The following EYS variants were observed in gnomAD, a reference collection of about 807,000 sequenced individuals.
EYS encodes the protein protein eyes shut homolog.
In EYS, 250 loss-of-function variants were observed where a neutral mutation model predicts 282.1. The observed-to-expected ratio is 0.89, with a 90% CI of 0.80 to 0.98. The LOEUF is 0.98. Among genes scored for constraint, EYS ranks in the 50% least tolerant of loss-of-function variants. EYS has a pLI of 0.00. For missense variants in EYS, 4,016 were observed against 3,709.0 expected (o/e 1.08, Z -2.15); for synonymous variants, 1,355 against 1,282.9 (o/e 1.06, Z -1.20).
chr6:64,349,255 ATTGT>A (rs1341153233), intron 29 of EYS, among the ~76,000 whole-genome samples: 3 of 151,314 alleles, frequency 2.0e-5, no homozygotes, highest in Admixed American at 6.6e-5. Flanking sequence ...TGCTATCCGT[ATTGT>A]TTAATTACAT....
intron 28 of EYS, among the ~76,000 whole-genome samples, chr6:64,398,606 T>C (rs1773454077): frequency 6.6e-6 from 1 of 151,806 alleles, no homozygotes; most frequent in South Asian, 2.1e-4. Context: ...TTTATCCAGG[T>C]TTATAATACA....
intron 33 of EYS, among the ~76,000 whole-genome samples, chr6:64,051,554 A>C (rs1452314266): frequency 6.6e-6 from 1 of 152,142 alleles, no homozygotes; most frequent in Non-Finnish European, 1.5e-5. Context: ...GTGATTTTAG[A>C]TAAATCCCAT....
intron 1 of EYS, among the ~76,000 whole-genome samples, chr6:65,645,505 T>C (rs955848432): frequency 6.6e-6 from 1 of 152,084 alleles, no homozygotes; most frequent in Non-Finnish European, 1.5e-5. Flanking sequence ...ACAACCTATC[T>C]AACCCTCTGG....
chr6:63,753,707 G>A (rs945789873), intron 41 of EYS, among the ~76,000 whole-genome samples: 6 of 152,108 alleles, frequency 3.9e-5, no homozygotes, highest in Non-Finnish European at 2.9e-5. Flanking sequence ...TTGATACATG[G>A]GAGTTACAAT....
chr6:65,222,692 T>C (rs533850415), intron 12 of EYS, among the ~76,000 whole-genome samples: 2 of 152,322 alleles, frequency 1.3e-5, no homozygotes, highest in South Asian at 2.1e-4. Flanking sequence ...AGGAATATGA[T>C]ATGCATAATT....
At chr6:65,217,181 T>A (rs1339858684) in intron 12 of EYS, among the ~76,000 whole-genome samples, 1 of 152,068 alleles carries the variant, frequency 6.6e-6, no homozygotes, top group East Asian at 1.9e-4. Flanking sequence ...TCTTGAGAAG[T>A]AAATGAATCT....
At chr6:65,433,335 A>G (rs770580701) in intron 5 of EYS, among the ~76,000 whole-genome samples, 6 of 152,162 alleles carry the variant, frequency 3.9e-5, no homozygotes, top group Non-Finnish European at 7.4e-5. Flanking sequence ...TTCATCTGCA[A>G]TTGGAGGCAT....
chr6:65,229,936 CACAT>C (rs1766725364), intron 12 of EYS, among the ~76,000 whole-genome samples: 1 of 151,790 alleles, frequency 6.6e-6, no homozygotes, highest in African/African-American at 2.4e-5. Flanking sequence ...AGATCTATGA[CACAT>C]ACATAAATAA....
intron 24 of EYS, among the ~76,000 whole-genome samples, chr6:64,613,229 T>C (rs978901880): frequency 5.9e-5 from 9 of 152,120 alleles, no homozygotes; most frequent in Non-Finnish European, 1.3e-4. Context: ...TAAAGCCTTC[T>C]AGTAACTCTG....
At chr6:65,659,630 G>C (rs1767937338) in intron 1 of EYS, among the ~76,000 whole-genome samples, 1 of 151,596 alleles carries the variant, frequency 6.6e-6, no homozygotes, top group South Asian at 2.1e-4. Flanking sequence ...TGACTTATAG[G>C]AGATAATAAA....
rs1259688242 is a variant in EYS at position 64,766,651 on chromosome 6, T to TATATATAC, written c.3443+46726_3443+46727insGTATATAT. 6.3e-3 allele frequency among the ~76,000 whole-genome samples: 219 copies of TATATATAC among 34,626 alleles called. 31 individuals are homozygous for TATATATAC. Among genetic ancestry groups the TATATATAC allele is most frequent in the Non-Finnish European group, 0.01 (198 of 19,422 alleles). The allele number at this position is 34,626 out of a possible 152,430, so 22.7% of individuals were successfully genotyped here. On this transcript the variant is annotated intron_variant, in intron 22 of 42. Coordinates refer to ENST00000503581, the MANE Select transcript of EYS (RefSeq NM_001142800.2). ...CGTCTCAAAAAAAAAAAAAAAAAAA[T>TATATATAC]ATATATATATATATATATATATATA...
At chr6:63,922,085 C>G (rs928513938) in intron 35 of EYS, among the ~76,000 whole-genome samples, 2 of 152,126 alleles carry the variant, frequency 1.3e-5, no homozygotes, top group African/African-American at 2.4e-5. Context: ...CTCTGTAAAA[C>G]AAGAAGAGAG....
rs1208834141 is a variant in EYS, at chr6:65,617,571, C to G, written c.-333+22207G>C. 2.0e-5 allele frequency among the ~76,000 whole-genome samples: 3 copies of G among 151,442 alleles called. No individual in the cohort carries two copies. The East Asian group carries it at 5.8e-4, about 29-fold the overall frequency. ...ATTTTTTAAATTTATTATTATTATA[C>G]TTTAAGTTTTAGGGTACATGTGCAC... is the stretch of plus-strand genomic sequence containing the variant. On this transcript the variant is annotated intron_variant, in intron 2 of 42. Coordinates refer to ENST00000503581, the MANE Select transcript of EYS (RefSeq NM_001142800.2).
intron 13 of EYS, among the ~76,000 whole-genome samples, chr6:65,041,367 T>C (rs1034811102): frequency 6.6e-6 from 1 of 151,628 alleles, no homozygotes; most frequent in South Asian, 2.1e-4. Flanking sequence ...TTAAGATATG[T>C]CCTCATGATT....
intron 12 of EYS, among the ~76,000 whole-genome samples, chr6:65,290,735 C>T (rs905414943): frequency 6.6e-6 from 1 of 151,322 alleles, no homozygotes; most frequent in Non-Finnish European, 1.5e-5. Context: ...TCAGTGTGTG[C>T]AATTTGCAAA....
chr6:65,690,431 C>T (rs1382841835), intron 1 of EYS, among the ~76,000 whole-genome samples: 3 of 149,694 alleles, frequency 2.0e-5, no homozygotes, highest in African/African-American at 2.4e-5. Context: ...CCACAAGGGT[C>T]GCATTCCATT....
chr6:64,912,372 T>C lies in EYS; in HGVS notation c.2641+112A>G, dbSNP rs73767171. The C allele has an allele frequency of 7.3e-4, 630 of 862,648 alleles. 4 individuals carry two copies. The African/African-American group carries it at 9.6e-3, about 13-fold the overall frequency. The allele number at this position is 862,648 out of a possible 1,614,324, so 53.4% of individuals were successfully genotyped here. On this transcript the variant is annotated intron_variant, in intron 16 of 42. Coordinates refer to ENST00000503581, the MANE Select transcript of EYS (RefSeq NM_001142800.2). ...GTTAGATAGTCCCCTACCCACAATG[T>C]ACATAGGATTTTTCCAACCCATTTT...
intron 2 of EYS, among the ~76,000 whole-genome samples, chr6:65,631,181 T>C (rs982403240): frequency 7.2e-5 from 11 of 152,200 alleles, no homozygotes; most frequent in African/African-American, 1.4e-4. Context: ...TGAAGACAGA[T>C]GTGACCATTA....
chr6:64,334,136 C>T (rs925138796), intron 29 of EYS, among the ~76,000 whole-genome samples: 3 of 152,154 alleles, frequency 2.0e-5, no homozygotes, highest in Non-Finnish European at 2.9e-5. Context: ...ATAGACAATT[C>T]CTCTGTGTCA....
Sources: gnomAD v4.1 joint callset for allele counts (sites outside exome capture counted in the v4.1 genomes callset) on GRCh38, gnomAD v4.1.1 for gene constraint, MANE v1.5 for transcripts, NCBI Gene and HGNC (gene_info 2026-07-23, HGNC 2026-07-21) for gene names.